NHEJ1: variants seen among roughly 807,000 people sequenced by gnomAD.
The protein encoded by NHEJ1 is non-homologous end joining factor 1.
Under a neutral mutation model 39.4 loss-of-function variants are expected in NHEJ1, and 22 were observed. The ratio of observed to expected loss-of-function variants is 0.56; its 90% confidence interval spans 0.40 to 0.80. The LOEUF is 0.80. Ranked by LOEUF, NHEJ1 falls within the 30% of genes least tolerant of loss-of-function variation. NHEJ1 has a pLI of 0.00. For synonymous variants in NHEJ1, 154 were observed against 135.6 expected (o/e 1.14, Z -0.94); for missense variants, 329 against 357.1 (o/e 0.92, Z 0.63).
At chr2:219,109,604 C>T (rs1230780087) in intron 5 of NHEJ1, among the ~76,000 whole-genome samples, 1 of 152,138 alleles carries the variant, frequency 6.6e-6, no homozygotes, top group African/African-American at 2.4e-5. Flanking sequence ...CAACCATTCA[C>T]AATGCAGGCA....
intron 3 of NHEJ1, among the ~76,000 whole-genome samples, chr2:219,149,452 C>G (rs1021433950): frequency 6.6e-6 from 1 of 151,754 alleles, no homozygotes; most frequent in African/African-American, 2.4e-5. Flanking sequence ...CCAGTCTCTA[C>G]AAAAAATACA....
chr2:219,158,424 A>T lies in NHEJ1; in HGVS notation c.1-62T>A, dbSNP rs1176626122. 5 of 1,505,056 alleles carry T rather than the reference A, an allele frequency of 3.3e-6. No individual in the cohort carries two copies. The East Asian group carries it at 1.1e-4, about 34-fold the overall frequency. The allele number at this position is 1,505,056 out of a possible 1,614,324, so 93.2% of individuals were successfully genotyped here. A position where few individuals can be genotyped will look rare whatever the true frequency, so the allele number is the denominator to read the frequency against. On this transcript the variant is annotated intron_variant, in intron 1 of 7. Coordinates refer to ENST00000356853, the MANE Select transcript of NHEJ1 (RefSeq NM_024782.3). ...GTCATGCTGGCCTAGGGAGGGCACC[A>T]CCCAAACCAGTCTGTATCAACTAAA...
In NHEJ1 at chr2:219,086,477, T is replaced by G. The variant is rs1245001384; in HGVS notation, c.589-8271A>C. ...GTCTAGTGGTACTAGAAGCTGGCTCTCACTTCCCTTCTTAAATCTCCAAAG... is the reference window on the plus strand; with the variant it reads ...GTCTAGTGGTACTAGAAGCTGGCTCGCACTTCCCTTCTTAAATCTCCAAAG... On this transcript the variant is annotated intron_variant, in intron 5 of 7. Transcript: ENST00000356853. Among the ~76,000 whole-genome samples the G allele has an allele frequency of 3.3e-5, 5 of 152,188 alleles. 1 individual carries two copies. The highest frequency in any genetic ancestry group is 1.2e-4 in the African/African-American group (5 of 41,428).
chr2:219,101,261 C>T (rs12463759), intron 5 of NHEJ1, among the ~76,000 whole-genome samples: 86,758 of 151,874 alleles, frequency 0.57, 26,091 homozygotes, highest in Non-Finnish European at 0.67. Flanking sequence ...ATTACAGGCG[C>T]GTACCACCAC....
At chr2:219,129,611 C>T (rs983681589) in intron 5 of NHEJ1, among the ~76,000 whole-genome samples, 1 of 152,218 alleles carries the variant, frequency 6.6e-6, no homozygotes, top group African/African-American at 2.4e-5. Context: ...CGGGGCGGGA[C>T]TCCCCCCACT....
Position 219,076,070 on chromosome 2 carries a change from G to T in NHEJ1, c.*311C>A. On this transcript the variant is annotated 3_prime_UTR_variant, in exon 8 of 8. Transcript: ENST00000356853. ...AGAGACGCTAGGGAAAGGTAGACAA[G>T]GCTTCCTGAGTGTGTGGTGCTTTCT... is the stretch of plus-strand genomic sequence containing the variant. 1.9e-6 allele frequency: 1 copy of T among 527,008 alleles called. No individual in the cohort carries two copies. Among genetic ancestry groups the T allele is most frequent in the Non-Finnish European group, 3.3e-6 (1 of 299,434 alleles). The allele number at this position is 527,008 out of a possible 1,614,324, so 32.6% of individuals were successfully genotyped here.
At chr2:219,147,576 C>T in intron 4 of NHEJ1, 81 bp downstream of exon 4, 1 of 1,575,996 alleles carries the variant, frequency 6.3e-7, no homozygotes, top group East Asian at 2.2e-5. Flanking sequence ...TTCTCTAATG[C>T]AAATGAGTCT....
intron 5 of NHEJ1, among the ~76,000 whole-genome samples, chr2:219,108,415 G>A (rs544800608): frequency 1.3e-5 from 2 of 152,258 alleles, no homozygotes; most frequent in African/African-American, 4.8e-5. Flanking sequence ...GTTAAGTAAA[G>A]AGCCTATGTC....
chr2:219,093,213 G>A (rs1949177447), intron 5 of NHEJ1, among the ~76,000 whole-genome samples: 1 of 152,144 alleles, frequency 6.6e-6, no homozygotes. Flanking sequence ...TTAGGGAGGA[G>A]GGAAAGCCAC....
chr2:219,147,569 T>G (rs567669771), intron 4 of NHEJ1, 88 bp downstream of exon 4: 1 of 1,550,852 alleles, frequency 6.4e-7, no homozygotes, highest in East Asian at 2.2e-5. Flanking sequence ...GAGGCACTTC[T>G]CTAATGCAAA....
rs763028513 is a variant in NHEJ1, at chr2:219,157,461, A to G, written c.390+11T>C. On this transcript the variant is annotated intron_variant, in intron 3 of 7. Coordinates refer to ENST00000356853, the MANE Select transcript of NHEJ1 (RefSeq NM_024782.3). ...ATCCCTCCCCCAACCCCACATTCGA[A>G]TTACACTTACCAGGGAAGGACTAGC... 1.2e-6 allele frequency: 2 copies of G among 1,611,990 alleles called. No homozygotes were observed. The highest frequency in any genetic ancestry group is 3.3e-5 in the Admixed American group (2 of 59,998).
intron 1 of NHEJ1, among the ~76,000 whole-genome samples, chr2:219,159,578 T>TATATATATATATATGC: frequency 1.8e-5 from 1 of 56,340 alleles, no homozygotes; most frequent in Non-Finnish European, 3.4e-5. Context: ...TATATATGCA[T>TATATATATATATATGC]ATATATATGC....
At chr2:219,129,790 C>T (rs1249527010) in intron 5 of NHEJ1, among the ~76,000 whole-genome samples, 5 of 152,254 alleles carry the variant, frequency 3.3e-5, no homozygotes, top group Admixed American at 6.5e-5. Flanking sequence ...CCCCGGGCAC[C>T]GTGTGTCCAC....
intron 5 of NHEJ1, among the ~76,000 whole-genome samples, chr2:219,146,227 A>C (rs1949737598): frequency 6.6e-6 from 1 of 152,032 alleles, no homozygotes; most frequent in African/African-American, 2.4e-5. Flanking sequence ...TCCACAACCT[A>C]CTGTGCCCAC....
intron 3 of NHEJ1, among the ~76,000 whole-genome samples, chr2:219,152,217 T>C (rs565443824): frequency 3.3e-5 from 5 of 152,304 alleles, no homozygotes; most frequent in African/African-American, 7.2e-5. Flanking sequence ...GGAAGTGTAA[T>C]AGATATACAA....
rs1949240104 is a variant in NHEJ1, at chr2:219,099,829, T to C, written c.589-21623A>G. Among the ~76,000 whole-genome samples, 3 of 152,116 alleles carry C rather than the reference T, an allele frequency of 2.0e-5. No homozygotes were observed. The South Asian group carries it at 6.2e-4, about 32-fold the overall frequency. ...TTTCTCATCAAGAAGGAGAAAGTAA[T>C]GCTCGAGGAAGAGACTGAAGATAAA... is the stretch of plus-strand genomic sequence containing the variant. On this transcript the variant is annotated intron_variant, in intron 5 of 7. Transcript: ENST00000356853.
intron 5 of NHEJ1, among the ~76,000 whole-genome samples, chr2:219,080,643 A>T (rs397180): frequency 4.8e-5 from 4 of 83,372 alleles, no homozygotes; most frequent in African/African-American, 1.1e-4. Flanking sequence ...ATATAAGCTT[A>T]TATATATGCT....
chr2:219,091,117 G>T (rs983524922), intron 5 of NHEJ1, among the ~76,000 whole-genome samples: 1 of 152,116 alleles, frequency 6.6e-6, no homozygotes, highest in South Asian at 2.1e-4. Flanking sequence ...TGCCCTCATA[G>T]AGCTTACAGT....
chr2:219,094,279 T>C (rs896993851), intron 5 of NHEJ1, among the ~76,000 whole-genome samples: 1 of 151,650 alleles, frequency 6.6e-6, no homozygotes, highest in South Asian at 2.1e-4. Context: ...AGATGGAGGG[T>C]AGGGAGAAAA....
Sources: gnomAD v4.1 joint callset for allele counts (sites outside exome capture counted in the v4.1 genomes callset) on GRCh38, gnomAD v4.1.1 for gene constraint, MANE v1.5 for transcripts, NCBI Gene and HGNC (gene_info 2026-07-23, HGNC 2026-07-21) for gene names.